JAKMIP2: variants seen among roughly 807,000 people sequenced by gnomAD.
JAKMIP2 encodes janus kinase and microtubule interacting protein 2.
A neutral mutation model predicts 115.0 loss-of-function variants in JAKMIP2; 25 were observed. The ratio of observed to expected loss-of-function variants is 0.22; its 90% CI spans 0.16 to 0.30. JAKMIP2 has a LOEUF of 0.30. Ranked by LOEUF, JAKMIP2 falls within the 10% of genes least tolerant of loss-of-function variation. The probability of loss-of-function intolerance (pLI) is 1.00; values close to 1 mark genes in which losing one functional copy is unlikely to be tolerated. For synonymous variants in JAKMIP2, 334 were observed against 343.6 expected (o/e 0.97, Z 0.31); for missense variants, 642 against 957.6 (o/e 0.67, Z 4.35).
In JAKMIP2 at chr5:147,618,227, T is replaced by G. The variant is rs1042159527; in HGVS notation, c.2143-113A>C. 9.3e-6 allele frequency: 7 copies of G among 752,922 alleles called. No homozygotes were observed. In the Admixed American group the frequency reaches 1.6e-4, roughly 17 times the overall value. 46.6% of individuals were successfully genotyped at this position (752,922 alleles called of 1,614,324 possible). ...GGCTGCCAACTTTAGGCTTATAGGATCTTAGCAAGAAAATAATTTTAAAAC... is the reference window on the plus strand; with the variant it reads ...GGCTGCCAACTTTAGGCTTATAGGAGCTTAGCAAGAAAATAATTTTAAAAC... On this transcript the variant is annotated intron_variant, in intron 18 of 21. Coordinates refer to ENST00000616793, the MANE Select transcript of JAKMIP2 (RefSeq NM_001270941.2).
intron 1 of JAKMIP2, among the ~76,000 whole-genome samples, chr5:147,689,414 A>G (rs530554484): frequency 1.3e-5 from 2 of 152,326 alleles, no homozygotes; most frequent in Non-Finnish European, 2.9e-5. Flanking sequence ...AAGACTGAGC[A>G]TAAGGGTGGA....
At chr5:147,663,554 C>T (rs973685027) in intron 2 of JAKMIP2, among the ~76,000 whole-genome samples, 3 of 152,136 alleles carry the variant, frequency 2.0e-5, no homozygotes, top group South Asian at 4.1e-4. Flanking sequence ...AGTCAATACT[C>T]GTTAATAAAC....
At chr5:147,678,845 A>T (rs1760110953) in intron 1 of JAKMIP2, among the ~76,000 whole-genome samples, 3 of 152,294 alleles carry the variant, frequency 2.0e-5, no homozygotes, top group Admixed American at 1.3e-4. Flanking sequence ...AACTTTTCAG[A>T]AGAAAAAAAT....
At chr5:147,699,978 G>A (rs73271918) in intron 1 of JAKMIP2, among the ~76,000 whole-genome samples, 11 of 152,308 alleles carry the variant, frequency 7.2e-5, no homozygotes, top group African/African-American at 1.7e-4. Flanking sequence ...CTAAATGTAC[G>A]CTATCTATGT....
chr5:147,664,003 T>C (rs974556236), intron 2 of JAKMIP2, among the ~76,000 whole-genome samples: 13 of 152,342 alleles, frequency 8.5e-5, no homozygotes, highest in African/African-American at 3.1e-4. Context: ...GTAAAGAATG[T>C]AAAATATCTC....
intron 1 of JAKMIP2, among the ~76,000 whole-genome samples, chr5:147,735,285 C>T (rs1457897096): frequency 1.3e-5 from 2 of 152,140 alleles, no homozygotes; most frequent in African/African-American, 4.8e-5. Context: ...TGGTAAAGCG[C>T]TCTTCAAATG....
chr5:147,664,269 A>C (rs1322551794), intron 2 of JAKMIP2, among the ~76,000 whole-genome samples: 1 of 152,022 alleles, frequency 6.6e-6, no homozygotes, highest in Non-Finnish European at 1.5e-5. Context: ...TCTCTTAGTA[A>C]AGCTCAGTTC....
intron 18 of JAKMIP2, among the ~76,000 whole-genome samples, chr5:147,619,392 T>A (rs1438815454): frequency 6.6e-6 from 1 of 152,114 alleles, no homozygotes; most frequent in Admixed American, 6.5e-5. Context: ...CATTCTCTTC[T>A]TTCCCCATCA....
At chr5:147,668,992 G>C (rs994270320) in intron 2 of JAKMIP2, among the ~76,000 whole-genome samples, 2 of 152,126 alleles carry the variant, frequency 1.3e-5, no homozygotes, top group African/African-American at 4.8e-5. Context: ...TATTTGTCTT[G>C]CTGGATAAAT....
rs144910041 is a variant in JAKMIP2, at chr5:147,775,212, C to T, written c.-149+7244G>A. Among the ~76,000 whole-genome samples the T allele has an allele frequency of 2.5e-3, 382 of 152,216 alleles. 1 individual carries two copies. Among genetic ancestry groups the T allele is most frequent in the African/African-American group, 8.3e-3 (345 of 41,564 alleles). On this transcript the variant is annotated intron_variant, in intron 1 of 21. Transcript: ENST00000616793. ...AGCTAACCCTCTTGTACAAGTCACT[C>T]TTTTTATATTTGATTTCAAAACTCT...
At chr5:147,647,151 C>A (rs969805843) in intron 5 of JAKMIP2, among the ~76,000 whole-genome samples, 3 of 151,864 alleles carry the variant, frequency 2.0e-5, no homozygotes, top group Admixed American at 1.3e-4. Flanking sequence ...AAAGTACATT[C>A]TCTGACTATA....
chr5:147,779,265 AC>A (rs1755672848), intron 1 of JAKMIP2, among the ~76,000 whole-genome samples: 1 of 152,116 alleles, frequency 6.6e-6, no homozygotes, highest in South Asian at 2.1e-4. Context: ...CTTAATTAAA[AC>A]AAGTTTTACT....
intron 18 of JAKMIP2, among the ~76,000 whole-genome samples, chr5:147,619,880 T>C (rs1276984227): frequency 6.6e-6 from 1 of 152,196 alleles, no homozygotes; most frequent in Non-Finnish European, 1.5e-5. Flanking sequence ...TCCTCGTATG[T>C]AAGATATGAA....
At chr5:147,703,444 C>T (rs1182381399) in intron 1 of JAKMIP2, among the ~76,000 whole-genome samples, 2 of 152,086 alleles carry the variant, frequency 1.3e-5, no homozygotes, top group East Asian at 3.9e-4. Flanking sequence ...GGAAGTTGTT[C>T]TGGGTGAGCG....
chr5:147,662,337 A>G (rs1581374798), intron 2 of JAKMIP2, among the ~76,000 whole-genome samples: 2 of 152,148 alleles, frequency 1.3e-5, no homozygotes, highest in African/African-American at 4.8e-5. Context: ...TTCCTGCCCC[A>G]CAAGCCAACA....
intron 1 of JAKMIP2, among the ~76,000 whole-genome samples, chr5:147,762,934 G>T (rs1321862338): frequency 6.6e-6 from 1 of 152,070 alleles, no homozygotes; most frequent in Non-Finnish European, 1.5e-5. Context: ...AAATCTTCTG[G>T]AAAGTTTTTT....
chr5:147,711,996 T>G (rs575011040), intron 1 of JAKMIP2, among the ~76,000 whole-genome samples: 7 of 152,350 alleles, frequency 4.6e-5, no homozygotes, highest in Admixed American at 2.0e-4. Flanking sequence ...CTTTATCAAT[T>G]ATACAACTTT....
chr5:147,645,581 A>G (rs983078135), intron 5 of JAKMIP2, among the ~76,000 whole-genome samples: 4 of 152,194 alleles, frequency 2.6e-5, no homozygotes, highest in African/African-American at 4.8e-5. Context: ...AAGGATATCA[A>G]ATTCTCCCCA....
intron 1 of JAKMIP2, among the ~76,000 whole-genome samples, chr5:147,680,075 A>G (rs1294858744): frequency 6.6e-6 from 1 of 152,208 alleles, no homozygotes; most frequent in Non-Finnish European, 1.5e-5. Context: ...TCCTCACTGT[A>G]AAATAGGAAA....
Sources: gnomAD v4.1 joint callset for allele counts (sites outside exome capture counted in the v4.1 genomes callset) on GRCh38, gnomAD v4.1.1 for gene constraint, MANE v1.5 for transcripts, NCBI Gene and HGNC (gene_info 2026-07-23, HGNC 2026-07-21) for gene names.